ATP9A: variants seen among roughly 807,000 people sequenced by gnomAD.
The protein encoded by ATP9A is probable phospholipid-transporting ATPase IIA.
Under a neutral mutation model 144.1 loss-of-function variants are expected in ATP9A, and 52 were observed. The observed-to-expected ratio is 0.36, with a 90% CI of 0.29 to 0.45. The LOEUF (loss-of-function observed/expected upper bound fraction) is 0.45. Among genes scored for constraint, ATP9A ranks in the 20% least tolerant of loss-of-function variants. ATP9A has a pLI of 1.00. For missense variants in ATP9A, 947 were observed against 1,392.7 expected (o/e 0.68, Z 5.09); for synonymous variants, 582 against 557.4 (o/e 1.04, Z -0.62).
chr20:51,625,115 C>T, intron 18 of ATP9A, 77 bp downstream of exon 18: 1 of 1,444,482 alleles, frequency 6.9e-7, no homozygotes. Flanking sequence ...ACCCTTTCCC[C>T]CTGTGATCTC....
chr20:51,657,542 T>C (rs991220642), intron 13 of ATP9A, among the ~76,000 whole-genome samples: 4 of 152,058 alleles, frequency 2.6e-5, no homozygotes, highest in Non-Finnish European at 4.4e-5. Flanking sequence ...GGACATTATA[T>C]AGGGTGTTCA....
chr20:51,767,073 CTTTT>C (rs10574254), intron 1 of ATP9A, among the ~76,000 whole-genome samples: 54,831 of 140,620 alleles, frequency 0.39, 10,750 homozygotes, highest in Non-Finnish European at 0.42. Context: ...CAGCACCATT[CTTTT>C]TTTTTTTTTT....
At chr20:51,639,041 A>G (rs1446246317) in intron 15 of ATP9A, among the ~76,000 whole-genome samples, 1 of 115,096 alleles carries the variant, frequency 8.7e-6, no homozygotes, top group Non-Finnish European at 2.0e-5. Context: ...TTTCACCTCA[A>G]TAAAAAAATA....
rs566764149 is a variant in ATP9A at position 51,647,240 on chromosome 20, G to C, written c.1507-7736C>G. ...AAGAACAGCATCATCTTCCTAAAAT[G>C]TGATCATTAAGAAATGACTATTTAT... On this transcript the variant is annotated intron_variant, in intron 14 of 27. Coordinates refer to ENST00000338821, the MANE Select transcript of ATP9A (RefSeq NM_006045.3). Among the ~76,000 whole-genome samples, 5 of 152,212 alleles carry C rather than the reference G, an allele frequency of 3.3e-5. No homozygotes were observed. In the East Asian group the frequency reaches 9.7e-4, roughly 29 times the overall value.
At chr20:51,610,688 G>A (rs2235864) in intron 23 of ATP9A, among the ~76,000 whole-genome samples, 29,560 of 151,934 alleles carry the variant, frequency 0.19, 3,206 homozygotes, top group Admixed American at 0.24. Context: ...TAAACAGCTC[G>A]GAATCCTCAC....
chr20:51,637,756 A>C (rs1370929508), intron 15 of ATP9A, among the ~76,000 whole-genome samples: 1 of 150,356 alleles, frequency 6.7e-6, no homozygotes, highest in African/African-American at 2.4e-5. Context: ...TGGTTATATG[A>C]GTAAGTTTTT....
chr20:51,709,017 T>C (rs2077626325), intron 4 of ATP9A, among the ~76,000 whole-genome samples: 1 of 152,188 alleles, frequency 6.6e-6, no homozygotes, highest in African/African-American at 2.4e-5. Context: ...TTAAAAAGGA[T>C]TGTAAATTAG....
intron 15 of ATP9A, among the ~76,000 whole-genome samples, chr20:51,637,271 A>T (rs2122742830): frequency 1.6e-5 from 2 of 126,530 alleles, no homozygotes; most frequent in African/African-American, 5.8e-5. Flanking sequence ...TGAGTTGTTT[A>T]TTTTAAGTAT....
intron 4 of ATP9A, among the ~76,000 whole-genome samples, chr20:51,710,565 T>C (rs1338922889): frequency 6.6e-6 from 1 of 152,182 alleles, no homozygotes; most frequent in Non-Finnish European, 1.5e-5. Flanking sequence ...CCTCGATCAC[T>C]TTCCAAGCTG....
Position 51,722,890 on chromosome 20 carries a change from G to A in ATP9A, c.327+2929C>T, listed in dbSNP as rs531332589. On this transcript the variant is annotated intron_variant, in intron 3 of 27. Transcript: ENST00000338821. ...ATACGAAAAAGATACTTGCACACACGTTTATAGTGGCACAATTCACAATTG... is the reference window on the plus strand; with the variant it reads ...ATACGAAAAAGATACTTGCACACACATTTATAGTGGCACAATTCACAATTG... Among the ~76,000 whole-genome samples, 52 of 152,270 alleles carry A rather than the reference G, an allele frequency of 3.4e-4. 1 individual carries two copies. Among genetic ancestry groups the A allele is most frequent in the South Asian group, 1.2e-3 (6 of 4,824 alleles).
rs555188831 is a variant in ATP9A at position 51,689,485 on chromosome 20, G to C, written c.724-346C>G. ...GCTTTGTTTGTGGCTTATAGAAAGA[G>C]AATGTGGACAATGTAATATGGGTTC... On this transcript the variant is annotated intron_variant, in intron 8 of 27. Coordinates refer to ENST00000338821, the MANE Select transcript of ATP9A (RefSeq NM_006045.3). Among the ~76,000 whole-genome samples the C allele has an allele frequency of 9.2e-5, 14 of 152,172 alleles. No homozygotes were observed. In the East Asian group the frequency reaches 2.5e-3, roughly 27 times the overall value.
At position 51,628,510 on chromosome 20, in the gene ATP9A, T is replaced by C. The variant is rs144134977; in HGVS notation, c.1761+470A>G. ...CTTCCATCTTGTTTGCCCTCTCCTG[T>C]TCCATCACCTGCTCTCTTTGTTGAA... is the stretch of plus-strand genomic sequence containing the variant. On this transcript the variant is annotated intron_variant, in intron 16 of 27. Transcript: ENST00000338821. Among the ~76,000 whole-genome samples the C allele has an allele frequency of 3.8e-3, 576 of 152,324 alleles. 10 individuals carry two copies. The highest frequency in any genetic ancestry group is 0.03 in the Admixed American group (464 of 15,298).
At position 51,651,210 on chromosome 20, in the gene ATP9A, TTA is replaced by T. The variant is rs749955488; in HGVS notation, c.1506+5726_1506+5727del. 1.6e-4 allele frequency among the ~76,000 whole-genome samples: 23 copies of T among 143,052 alleles called. 2 individuals carry two copies. Among genetic ancestry groups the T allele is most frequent in the East Asian group, 4.0e-4 (2 of 5,004 alleles). 93.8% of individuals were successfully genotyped at this position (143,052 alleles called of 152,430 possible). Reference sequence around the variant, plus strand: ...AAATATTATTTTATATATTTATATATTATGTCAATATTTAAATTATTATTTAC... The same window carrying T: ...AAATATTATTTTATATATTTATATATTGTCAATATTTAAATTATTATTTAC... On this transcript the variant is annotated intron_variant, in intron 14 of 27. Coordinates refer to ENST00000338821, the MANE Select transcript of ATP9A (RefSeq NM_006045.3).
intron 13 of ATP9A, 69 bp downstream of exon 13, chr20:51,669,928 C>T (rs1218176745): frequency 2.9e-6 from 3 of 1,030,760 alleles, no homozygotes; most frequent in Non-Finnish European, 4.5e-6. Context: ...TTGTGAATTA[C>T]ATCTCAATAT....
chr20:51,596,784 A>G lies in ATP9A; in HGVS notation c.*4427T>C, dbSNP rs1054106826. On this transcript the variant is annotated 3_prime_UTR_variant, in exon 28 of 28. Coordinates refer to ENST00000338821, the MANE Select transcript of ATP9A (RefSeq NM_006045.3). ...AAAATAATCCCCCAAGGCAGAACGT[A>G]CACAAGCTTTATTGGGCAACAGCAA... 8 of 152,240 alleles carry G rather than the reference A, an allele frequency of 5.3e-5. No homozygotes were observed. Among genetic ancestry groups the G allele is most frequent in the South Asian group, 4.1e-4 (2 of 4,832 alleles). 9.4% of individuals were successfully genotyped at this position (152,240 alleles called of 1,614,324 possible).
rs1568822099 is a variant in ATP9A at position 51,690,149 on chromosome 20, A to ATG, written c.723+589_723+590insCA. On this transcript the variant is annotated intron_variant, in intron 8 of 27. Coordinates refer to ENST00000338821, the MANE Select transcript of ATP9A (RefSeq NM_006045.3). ...AAAAAAAAAAAAAAAGGCCAGGCTCAGTGGCTCATGCCTGTAATCCCAGCA... is the reference window on the plus strand; with the variant it reads ...AAAAAAAAAAAAAAAGGCCAGGCTCATGGTGGCTCATGCCTGTAATCCCAGCA... 1.1e-4 allele frequency among the ~76,000 whole-genome samples: 15 copies of ATG among 138,090 alleles called. No homozygotes were observed. The South Asian group carries it at 1.4e-3, about 13-fold the overall frequency. The allele number at this position is 138,090 out of a possible 152,430, so 90.6% of individuals were successfully genotyped here.
chr20:51,687,822 C>T (rs1174424217), intron 9 of ATP9A, among the ~76,000 whole-genome samples: 1 of 149,560 alleles, frequency 6.7e-6, no homozygotes, highest in Non-Finnish European at 1.5e-5. Context: ...AAGCAACCAG[C>T]AGAGTAAAAC....
chr20:51,694,116 T>G lies in ATP9A; in HGVS notation c.548-14A>C, dbSNP rs1382101696. 1 of 1,610,882 alleles carries G rather than the reference T, an allele frequency of 6.2e-7. No individual in the cohort carries two copies. The highest frequency in any genetic ancestry group is 1.7e-5 in the Admixed American group (1 of 59,956). On this transcript the variant is annotated splice_polypyrimidine_tract_variant and intron_variant, in intron 6 of 27. Coordinates refer to ENST00000338821, the MANE Select transcript of ATP9A (RefSeq NM_006045.3). ...AGAAGCATGACCCTGTGGAAGGAAG[T>G]CGGGTGCCGTCACCTGCACCTCAAG... is the stretch of plus-strand genomic sequence containing the variant.
chr20:51,612,172 G>A (rs1488480922), intron 23 of ATP9A, among the ~76,000 whole-genome samples: 1 of 106,120 alleles, frequency 9.4e-6, no homozygotes, highest in East Asian at 2.6e-4. Flanking sequence ...TTTCCAGGTG[G>A]GAAGACCGAG....
Sources: gnomAD v4.1 joint callset for allele counts (sites outside exome capture counted in the v4.1 genomes callset) on GRCh38, gnomAD v4.1.1 for gene constraint, MANE v1.5 for transcripts, NCBI Gene and HGNC (gene_info 2026-07-23, HGNC 2026-07-21) for gene names.